The following PTCHD4 variants were observed in gnomAD, a reference collection of about 807,000 sequenced individuals.
PTCHD4 encodes patched domain containing 4.
A neutral mutation model predicts 58.1 loss-of-function variants in PTCHD4; 33 were observed. The ratio of observed to expected loss-of-function variants is 0.57; its 90% confidence interval spans 0.43 to 0.76. The LOEUF (loss-of-function observed/expected upper bound fraction) is 0.76. Ranked by LOEUF, PTCHD4 falls within the 30% of genes least tolerant of loss-of-function variation. PTCHD4 has a pLI of 0.00. For missense variants in PTCHD4, 1,058 were observed against 1,027.1 expected (o/e 1.03, Z -0.41); for synonymous variants, 478 against 409.6 (o/e 1.17, Z -2.02).
intron 3 of PTCHD4, among the ~76,000 whole-genome samples, chr6:48,011,361 G>T (rs968666237): frequency 2.6e-5 from 4 of 152,024 alleles, no homozygotes; most frequent in Non-Finnish European, 5.9e-5. Context: ...ATGTTTATTG[G>T]CCTCATTAAA....
Position 48,068,512 on chromosome 6 carries a change from C to T in PTCHD4, c.135G>A (p.Val45=). ...VSRHPVFFLT[V]PAVLTITFGL... The stretch of plus-strand genomic sequence containing the variant: ...CGAAGGTGATTGTCAGGACTGCGGG[C>T]ACGGTGAGGAAAAAGACCGGGTGCC... The change falls in exon 3 of 5, where the codon GTG becomes GTA. Residue 45 remains valine, a synonymous_variant. Coordinates refer to ENST00000339488, the MANE Select transcript of PTCHD4 (RefSeq NM_001384253.1). The surrounding 1 kb of genome is among the most constrained non-coding windows in gnomAD (Gnocchi z 4.2). 5 of 1,612,802 alleles carry T rather than the reference C, an allele frequency of 3.1e-6. No individual in the cohort carries two copies. The highest frequency in any genetic ancestry group is 4.2e-6 in the Non-Finnish European group (5 of 1,179,788).
chr6:48,013,204 T>C (rs1307447907), intron 3 of PTCHD4, among the ~76,000 whole-genome samples: 6 of 152,150 alleles, frequency 3.9e-5, no homozygotes, highest in Admixed American at 6.5e-5. Flanking sequence ...AGTCTGGTCC[T>C]GGGCTTTTTT....
At chr6:47,931,734 T>C (rs899213712) in intron 4 of PTCHD4, among the ~76,000 whole-genome samples, 2 of 152,050 alleles carry the variant, frequency 1.3e-5, no homozygotes, top group African/African-American at 4.8e-5. Context: ...TCCTTCGGCC[T>C]GAAGCTGACA....
chr6:47,949,997 G>A (rs189855988), intron 4 of PTCHD4, among the ~76,000 whole-genome samples: 224 of 151,466 alleles, frequency 1.5e-3, no homozygotes, highest in African/African-American at 4.9e-3. Flanking sequence ...ATCATTTAGC[G>A]TTAGGTATAT....
intron 4 of PTCHD4, among the ~76,000 whole-genome samples, chr6:47,892,325 A>G (rs1764405601): frequency 6.6e-6 from 1 of 152,224 alleles, no homozygotes; most frequent in Non-Finnish European, 1.5e-5. Context: ...GAACTTGCAG[A>G]AATAACAATT....
rs59160947 is a variant in PTCHD4, at chr6:47,935,153, C to G, written c.899-55217G>C. Among the ~76,000 whole-genome samples, 249 of 152,134 alleles carry G rather than the reference C, an allele frequency of 1.6e-3. 2 individuals are homozygous for G. Among genetic ancestry groups the G allele is most frequent in the African/African-American group, 5.3e-3 (221 of 41,522 alleles). Reference sequence around the variant, plus strand: ...AGGGCTCTTGTTATAAAATCAGAGCCATTTTTCTTTATTTTGTTCTCACAT... The same window carrying G: ...AGGGCTCTTGTTATAAAATCAGAGCGATTTTTCTTTATTTTGTTCTCACAT... On this transcript the variant is annotated intron_variant, in intron 4 of 4. Coordinates refer to ENST00000339488, the MANE Select transcript of PTCHD4 (RefSeq NM_001384253.1).
chr6:47,910,799 C>A (rs1031148547), intron 4 of PTCHD4, among the ~76,000 whole-genome samples: 1 of 152,072 alleles, frequency 6.6e-6, no homozygotes. Flanking sequence ...AGCAATAACA[C>A]CCTCGCTGAG....
intron 4 of PTCHD4, among the ~76,000 whole-genome samples, chr6:47,931,980 G>T (rs1435796402): frequency 3.3e-5 from 5 of 152,154 alleles, no homozygotes; most frequent in Admixed American, 1.3e-4. Flanking sequence ...GGACATTATA[G>T]AAATCCATAT....
intron 4 of PTCHD4, among the ~76,000 whole-genome samples, chr6:47,995,624 C>A (rs1043275191): frequency 6.6e-6 from 1 of 152,148 alleles, no homozygotes; most frequent in Non-Finnish European, 1.5e-5. Flanking sequence ...GACAGAAGTT[C>A]TTCCCCTGGA....
Position 48,068,319 on chromosome 6 carries a change from T to G in PTCHD4, c.328A>C (p.Arg110=), listed in dbSNP as rs766473001. Reference sequence around the variant, plus strand: ...CCGGTTGGGGAGAGGAGGATCACCCTGCCATACCTCCCAGGGGTGTGTAAG... The same window carrying G: ...CCGGTTGGGGAGAGGAGGATCACCCGGCCATACCTCCCAGGGGTGTGTAAG... ...SDLHTPGRYG[R]VILLSPTGDN... Residue 110 remains arginine, a synonymous_variant, in exon 3 of 5, where the codon AGG becomes CGG. Transcript: ENST00000339488. The surrounding 1 kb of genome is among the most constrained non-coding windows in gnomAD (Gnocchi z 4.2). The G allele has an allele frequency of 6.2e-6, 10 of 1,613,582 alleles. No homozygotes were observed. Among genetic ancestry groups the G allele is most frequent in the Non-Finnish European group, 7.6e-6 (9 of 1,179,586 alleles).
chr6:47,938,689 G>A (rs143132998), intron 4 of PTCHD4, among the ~76,000 whole-genome samples: 1 of 152,324 alleles, frequency 6.6e-6, no homozygotes, highest in East Asian at 1.9e-4. Context: ...ATAGTGGTGT[G>A]CTTGTGTGTT....
chr6:47,904,987 G>A (rs1764829581), intron 4 of PTCHD4, among the ~76,000 whole-genome samples: 1 of 148,858 alleles, frequency 6.7e-6, no homozygotes, highest in Admixed American at 6.9e-5. Flanking sequence ...AAGAAATGAT[G>A]TGCAAAGGTG....
intron 1 of PTCHD4, among the ~76,000 whole-genome samples, chr6:48,098,528 AG>A (rs1470781198): frequency 6.6e-6 from 1 of 152,042 alleles, no homozygotes; most frequent in East Asian, 1.9e-4. Flanking sequence ...TAGTAGAGGC[AG>A]GGTTTCACCA....
intron 4 of PTCHD4, among the ~76,000 whole-genome samples, chr6:47,884,687 G>C (rs1314891080): frequency 1.3e-5 from 2 of 152,184 alleles, no homozygotes; most frequent in African/African-American, 4.8e-5. Flanking sequence ...CTTGTTTTAA[G>C]AACAACTCCA....
intron 4 of PTCHD4, among the ~76,000 whole-genome samples, chr6:47,992,353 T>A (rs1768313901): frequency 6.6e-6 from 1 of 152,082 alleles, no homozygotes; most frequent in Non-Finnish European, 1.5e-5. Context: ...GTGGTGAAAC[T>A]ATGAAGAAAA....
At chr6:48,047,014 T>C (rs1397735328) in intron 3 of PTCHD4, among the ~76,000 whole-genome samples, 2 of 151,894 alleles carry the variant, frequency 1.3e-5, no homozygotes, top group African/African-American at 4.8e-5. Context: ...TGCAATGTCT[T>C]GGATTCACTA....
At chr6:47,890,862 CA>C in intron 4 of PTCHD4, 2 of 980,762 alleles carry the variant, frequency 2.0e-6, no homozygotes, top group Non-Finnish European at 2.4e-6. Flanking sequence ...TAGCCACTAT[CA>C]GGAAGTTTTC....
Position 47,878,751 on chromosome 6 carries a change from C to T in PTCHD4, c.2084G>A (p.Gly695Asp). 1 of 1,613,584 alleles carries T rather than the reference C, an allele frequency of 6.2e-7. No homozygotes were observed. Among genetic ancestry groups the T allele is most frequent in the Non-Finnish European group, 8.5e-7 (1 of 1,179,742 alleles). ...CCATAATGTCATTAAGCCCAGAACG[C>T]CCAGCTCAATTGAGGTGACGCTAAG... The part of the protein sequence containing the change: ...LILSVTSIEL[G>D]VLGLMTLWNV... Residue 695 changes from glycine to aspartate, a missense_variant, in exon 5 of 5, where the codon GGC becomes GAC. Gly to Asp is a moderately conservative substitution (Grantham distance 94). Coordinates refer to ENST00000339488, the MANE Select transcript of PTCHD4 (RefSeq NM_001384253.1).
In PTCHD4 at chr6:48,029,796, T is replaced by C. The variant is rs114312577; in HGVS notation, c.418-20682A>G. On this transcript the variant is annotated intron_variant, in intron 3 of 4. Transcript: ENST00000339488. ...TACCAAGGTTTTGACTAGAGTATTA[T>C]ACTTGAAAATGATGCATAAAATCAG... 5.1e-3 allele frequency among the ~76,000 whole-genome samples: 771 copies of C among 152,252 alleles called. 7 individuals carry two copies. The highest frequency in any genetic ancestry group is 0.017 in the African/African-American group (719 of 41,560).
Sources: allele counts gnomAD v4.1 joint callset (sites outside exome capture counted in the v4.1 genomes callset), GRCh38; gene constraint gnomAD v4.1.1; non-coding constraint Gnocchi (gnomAD v3.1); transcripts MANE v1.5; gene names NCBI Gene and HGNC (gene_info 2026-07-23, HGNC 2026-07-21).